The following ADGRE1 variants were observed in gnomAD, a reference collection of about 807,000 sequenced individuals.
ADGRE1 encodes the protein adhesion G protein-coupled receptor E1, also known as EGF-like module receptor 1.
Under a neutral mutation model 102.7 loss-of-function variants are expected in ADGRE1, and 82 were observed. That is an observed-to-expected ratio of 0.80 (90% CI 0.67 to 0.96). The LOEUF (loss-of-function observed/expected upper bound fraction) is 0.96, where lower values mean the gene tolerates loss of function less well. Among genes scored for constraint, ADGRE1 ranks in the 40% least tolerant of loss-of-function variants. The pLI is 0.00. For synonymous variants in ADGRE1, 398 were observed against 399.6 expected, an observed-to-expected ratio of 1.00 and a Z score of 0.05; for missense variants, 1,032 against 1,085.3, an observed-to-expected ratio of 0.95 and a Z score of 0.69.
rs144738775 is a variant in ADGRE1 at position 6,927,723 on chromosome 19, G to A, written c.2223-422G>A. 4.2e-3 allele frequency among the ~76,000 whole-genome samples: 640 copies of A among 152,016 alleles called. 6 individuals are homozygous for A. The highest frequency in any genetic ancestry group is 0.013 in the African/African-American group (548 of 41,456). On this transcript the variant is annotated intron_variant, in intron 16 of 20. Coordinates refer to ENST00000312053, the MANE Select transcript of ADGRE1 (RefSeq NM_001974.5). Reference sequence around the variant, plus strand: ...GTCACCCAGGCTGGAGTGCGGTGGCGTGATCTCAGCTCACTGCAACCTCCA... The same window carrying A: ...GTCACCCAGGCTGGAGTGCGGTGGCATGATCTCAGCTCACTGCAACCTCCA...
chr19:6,894,200 G>A (rs989318407), intron 2 of ADGRE1, among the ~76,000 whole-genome samples: 6 of 152,096 alleles, frequency 3.9e-5, no homozygotes, highest in Middle Eastern at 6.4e-3. Context: ...CCAGGGATTA[G>A]GACATGGTCC....
chr19:6,903,909 A>G lies in ADGRE1; in HGVS notation c.761A>G (p.Asn254Ser), dbSNP rs443658. Reference sequence around the variant, plus strand: ...TGCCACCCTGGCTTTGCACCAAGCAATGGACAGTTGAATTTCACAGACCAA... The same window carrying G: ...TGCCACCCTGGCTTTGCACCAAGCAGTGGACAGTTGAATTTCACAGACCAA... Reference protein sequence around the residue: ...CTCHPGFAPSNGQLNFTDQGV... With the variant: ...CTCHPGFAPSSGQLNFTDQGV... Residue 254 changes from asparagine to serine, a missense_variant, in exon 7 of 21, where the codon AAT becomes AGT. Physicochemically the swap from Asn to Ser is conservative, Grantham distance 46. Transcript: ENST00000312053. The G allele has an allele frequency of 0.28, 456,850 of 1,613,912 alleles. 71,899 individuals are homozygous for G. Among genetic ancestry groups the G allele is most frequent in the African/African-American group, 0.61 (45,412 of 74,922 alleles).
rs188274371 is a variant in ADGRE1 at position 6,938,011 on chromosome 19, T to C, written c.2655+363T>C. On this transcript the variant is annotated intron_variant, in intron 20 of 20. Coordinates refer to ENST00000312053, the MANE Select transcript of ADGRE1 (RefSeq NM_001974.5). ...TATTATATACATATAATGTATAATA[T>C]TATATACATATAAATGTAAGATGTA... is the stretch of plus-strand genomic sequence containing the variant. Among the ~76,000 whole-genome samples, 6 of 151,350 alleles carry C rather than the reference T, an allele frequency of 4.0e-5. 2 individuals carry two copies. Among genetic ancestry groups the C allele is most frequent in the East Asian group, 1.9e-4 (1 of 5,172 alleles).
chr19:6,929,387 A>ACTCG (rs1975052205), intron 17 of ADGRE1, among the ~76,000 whole-genome samples: 1 of 152,092 alleles, frequency 6.6e-6, no homozygotes, highest in Non-Finnish European at 1.5e-5. Context: ...TGTGACATTT[A>ACTCG]CGTAGAGCGC....
chr19:6,896,315 C>G, intron 2 of ADGRE1, 83 bp from the exon 3 acceptor site: 2 of 1,422,892 alleles, frequency 1.4e-6, no homozygotes, highest in Non-Finnish European at 2.0e-6. Context: ...TAACAGTCAC[C>G]TCCACCCTTG....
intron 6 of ADGRE1, among the ~76,000 whole-genome samples, chr19:6,902,813 T>C (rs1030906110): frequency 6.6e-6 from 1 of 152,248 alleles, no homozygotes; most frequent in Admixed American, 6.5e-5. Context: ...CTCAGCTTAC[T>C]GCCACCTCTG....
rs1421342349 is a variant in ADGRE1, at chr19:6,898,823, A to G, written c.514+1276A>G. 2.6e-5 allele frequency: 11 copies of G among 418,722 alleles called. No individual in the cohort carries two copies. The East Asian group carries it at 3.7e-4, about 14-fold the overall frequency. 25.9% of individuals were successfully genotyped at this position (418,722 alleles called of 1,614,324 possible). A position where few individuals can be genotyped will look rare whatever the true frequency, so the allele number is the denominator to read the frequency against. Reference sequence around the variant, plus strand: ...GAGAGGTAAAAATATATAGTTGCCTATATATTTTTCTATCCCTTTACTTTG... The same window carrying G: ...GAGAGGTAAAAATATATAGTTGCCTGTATATTTTTCTATCCCTTTACTTTG... On this transcript the variant is annotated intron_variant, in intron 5 of 20. Transcript: ENST00000312053.
intron 18 of ADGRE1, among the ~76,000 whole-genome samples, chr19:6,936,812 G>A (rs904056944): frequency 9.9e-5 from 15 of 152,088 alleles, no homozygotes; most frequent in African/African-American, 3.1e-4. Context: ...TAGTAGAGAC[G>A]GGTTTTCACC....
In ADGRE1 at chr19:6,921,756, C is replaced by T. The variant is rs1392162288; in HGVS notation, c.1664C>T (p.Thr555Ile). 1 of 1,613,548 alleles carries T rather than the reference C, an allele frequency of 6.2e-7. No individual in the cohort carries two copies. Among genetic ancestry groups the T allele is most frequent in the African/African-American group, 1.3e-5 (1 of 74,802 alleles). Residue 555 changes from threonine to isoleucine, a missense_variant, in exon 14 of 21, where the codon ACT becomes ATT. Thr to Ile is a moderately conservative substitution (Grantham distance 89). Transcript: ENST00000312053. The stretch of plus-strand genomic sequence containing the variant: ...AGGCCCATCTGTGTTTCCTGGAGCA[C>T]TGATGTGAAGGGTGGAAGATGGACA... ...FERPICVSWS[T>I]DVKGGRWTSF...
chr19:6,899,936 CA>C (rs200596347), intron 5 of ADGRE1, among the ~76,000 whole-genome samples: 4 of 148,616 alleles, frequency 2.7e-5, no homozygotes, highest in Non-Finnish European at 6.0e-5. Flanking sequence ...ACTAAAAATA[CA>C]AAAAAAAATA....
intron 11 of ADGRE1, among the ~76,000 whole-genome samples, chr19:6,914,974 G>C (rs974212861): frequency 1.3e-5 from 2 of 150,986 alleles, no homozygotes; most frequent in African/African-American, 4.9e-5. Flanking sequence ...GAGAAAGGAA[G>C]GGAGATGGAA....
intron 5 of ADGRE1, chr19:6,898,161 T>A: frequency 1.5e-6 from 1 of 654,360 alleles, no homozygotes. Flanking sequence ...AGATTCAAGA[T>A]GGGGACGTAC....
Position 6,887,584 on chromosome 19 carries a change from C to A in ADGRE1, c.-25C>A. The A allele has an allele frequency of 6.2e-7, 1 of 1,611,208 alleles. No homozygotes were observed. The highest frequency in any genetic ancestry group is 8.5e-7 in the Non-Finnish European group (1 of 1,178,832). On this transcript the variant is annotated 5_prime_UTR_variant, in exon 1 of 21. Transcript: ENST00000312053. ...CAGCGTTAGTAGAAAAGTTTCTTTTCTTTGAATGACAGAACTACAGCATAA... is the reference window on the plus strand; with the variant it reads ...CAGCGTTAGTAGAAAAGTTTCTTTTATTTGAATGACAGAACTACAGCATAA...
At chr19:6,896,244 T>G (rs929137184) in intron 2 of ADGRE1, 154 bp from the exon 3 acceptor site, 13 of 669,984 alleles carry the variant, frequency 1.9e-5, no homozygotes, top group Non-Finnish European at 3.0e-5. Flanking sequence ...TAAGATGAAA[T>G]TCACAGGTAC....
At position 6,940,015 on chromosome 19, in the gene ADGRE1, C is replaced by G; in HGVS notation, c.2656-9C>G. 6.2e-7 allele frequency: 1 copy of G among 1,613,926 alleles called. No homozygotes were observed. Among genetic ancestry groups the G allele is most frequent in the East Asian group, 2.2e-5 (1 of 44,890 alleles). On this transcript the variant is annotated splice_polypyrimidine_tract_variant and intron_variant, in intron 20 of 20. Transcript: ENST00000312053. ...GCAGACTCTGAGGAAATTCTTTTCT[C>G]TCTCACAGGGTTAAAGTCCTTTCTT...
chr19:6,897,717 T>C, intron 5 of ADGRE1, 170 bp downstream of exon 5: 1 of 657,192 alleles, frequency 1.5e-6, no homozygotes, highest in South Asian at 5.1e-5. Context: ...ACTTTGAGCC[T>C]GTGGGTGTCT....
Position 6,937,355 on chromosome 19 carries a change from A to C in ADGRE1, c.2494A>C (p.Ile832Leu). ...AGVMAYLFTI[I>L]NSLQGAFIFL... ...TGTCATGGCTTACCTGTTCACCATC[A>C]TCAACAGCCTGCAGGGGGCCTTCAT... is the stretch of plus-strand genomic sequence containing the variant. Residue 832 changes from isoleucine to leucine, a missense_variant, in exon 19 of 21, where the codon ATC becomes CTC. Ile to Leu is a conservative substitution (Grantham distance 5, BLOSUM62 2). Transcript: ENST00000312053. The C allele has an allele frequency of 2.5e-6, 4 of 1,613,942 alleles. No individual in the cohort carries two copies. The highest frequency in any genetic ancestry group is 3.4e-6 in the Non-Finnish European group (4 of 1,179,980).
At chr19:6,934,016 G>A (rs1292667841) in intron 17 of ADGRE1, among the ~76,000 whole-genome samples, 1 of 152,158 alleles carries the variant, frequency 6.6e-6, no homozygotes. Context: ...CCGCCCCATT[G>A]AGAACAAGCA....
Position 6,897,296 on chromosome 19 carries a change from C to T in ADGRE1, c.386C>T (p.Ser129Phe), listed in dbSNP as rs542090314. ...GTCCCAGGAAAGCCGGGCAATTTCT[C>T]CTGTACTGGTAATGCTCTCAGGTTC... ...DWVPGKPGNF[S>F]CTDINECLTS... The change falls in exon 4 of 21, where the codon TCC becomes TTC. Residue 129 changes from serine (S) to phenylalanine (F), a missense_variant. Physicochemically the swap from Ser to Phe is radical, Grantham distance 155. Coordinates refer to ENST00000312053, the MANE Select transcript of ADGRE1 (RefSeq NM_001974.5). 3.1e-6 allele frequency: 5 copies of T among 1,613,826 alleles called. No homozygotes were observed. The highest frequency in any genetic ancestry group is 4.2e-6 in the Non-Finnish European group (5 of 1,179,972).
Sources: gnomAD v4.1 joint callset for allele counts (sites outside exome capture counted in the v4.1 genomes callset) on GRCh38, gnomAD v4.1.1 for gene constraint, MANE v1.5 for transcripts, NCBI Gene and HGNC (gene_info 2026-07-23, HGNC 2026-07-21) for gene names.